Variants in MROH1 observed in about 807,000 individuals in gnomAD.
MROH1 encodes maestro heat like repeat family member 1.
Under a neutral mutation model 116.5 loss-of-function variants are expected in MROH1, and 117 were observed. The ratio of observed to expected loss-of-function variants is 1.00; its 90% CI spans 0.86 to 1.17. The LOEUF (loss-of-function observed/expected upper bound fraction) is 1.17, where lower values mean the gene tolerates loss of function less well. Among genes scored for constraint, MROH1 ranks in the 50% most tolerant of loss-of-function variants. MROH1 has a pLI of 0.00. For synonymous variants in MROH1, 921 were observed against 583.9 expected (o/e 1.58, Z -8.32); for missense variants, 1,873 against 1,338.5 (o/e 1.40, Z -6.23).
rs151267795 is a variant in MROH1 at position 144,220,166 on chromosome 8, T to G, written c.1142-434T>G. Reference sequence around the variant, plus strand: ...AAGGGGGTCCCCAGACCAGCAGCATTAGCTCACCTTGGAATGTGTGAGAAA... The same window carrying G: ...AAGGGGGTCCCCAGACCAGCAGCATGAGCTCACCTTGGAATGTGTGAGAAA... On this transcript the variant is annotated intron_variant, in intron 12 of 43. Transcript: ENST00000326134. 6.6e-3 allele frequency among the ~76,000 whole-genome samples: 1,011 copies of G among 152,278 alleles called. 14 individuals are homozygous for G. The highest frequency in any genetic ancestry group is 0.023 in the African/African-American group (963 of 41,554).
At chr8:144,170,232 G>C (rs150422199) in intron 4 of MROH1, among the ~76,000 whole-genome samples, 126 of 152,280 alleles carry the variant, frequency 8.3e-4, no homozygotes, top group African/African-American at 3.0e-3. Context: ...CTCCGTTCTG[G>C]GGTGTCCTCC....
At chr8:144,202,755 GT>G (rs1831616163) in intron 12 of MROH1, among the ~76,000 whole-genome samples, 3 of 129,482 alleles carry the variant, frequency 2.3e-5, no homozygotes, top group Non-Finnish European at 1.6e-5. Flanking sequence ...CTGCGGAGGG[GT>G]TGGGAGAGGA....
At chr8:144,213,330 G>A in intron 12 of MROH1, 1 of 451,992 alleles carries the variant, frequency 2.2e-6, no homozygotes, top group Non-Finnish European at 3.9e-6. Context: ...ATAGTTTATT[G>A]TGCCTTTTAT....
chr8:144,261,434 C>T, intron 43 of MROH1, 85 bp downstream of exon 43: 1 of 700,052 alleles, frequency 1.4e-6, no homozygotes. Context: ...TCCTGGATTT[C>T]AGGACTTTTT....
rs1252129929 is a variant in MROH1, at chr8:144,191,049, G to A, written c.714+114G>A. ...GGTGGTGTTGCATTGGCAAGCAGAG[G>A]TGCCCAATGGGAGGTGGCTCACCTT... is the stretch of plus-strand genomic sequence containing the variant. On this transcript the variant is annotated intron_variant, in intron 8 of 43. Transcript: ENST00000326134. 8 of 1,151,848 alleles carry A rather than the reference G, an allele frequency of 6.9e-6. No homozygotes were observed. In the Admixed American group the frequency reaches 1.6e-4, roughly 24 times the overall value. 71.4% of individuals were successfully genotyped at this position (1,151,848 alleles called of 1,614,324 possible).
At position 144,239,497 on chromosome 8, in the gene MROH1, G is replaced by A. The variant is rs1047860983; in HGVS notation, c.1633-117G>A. On this transcript the variant is annotated intron_variant, in intron 17 of 43. Coordinates refer to ENST00000326134, the MANE Select transcript of MROH1 (RefSeq NM_032450.3). Reference sequence around the variant, plus strand: ...AGGTGTGGTTTTCCTCTACGTGGGCGGCCCAGCTTTGGGAAGAGCCAGGCT... The same window carrying A: ...AGGTGTGGTTTTCCTCTACGTGGGCAGCCCAGCTTTGGGAAGAGCCAGGCT... 1.0e-3 allele frequency: 801 copies of A among 763,062 alleles called. 1 individual carries two copies. Among genetic ancestry groups the A allele is most frequent in the Non-Finnish European group, 1.5e-3 (626 of 410,388 alleles). The allele number at this position is 763,062 out of a possible 1,614,324, so 47.3% of individuals were successfully genotyped here.
At chr8:144,175,514 G>A in intron 4 of MROH1, 3 of 985,490 alleles carry the variant, frequency 3.0e-6, no homozygotes, top group Non-Finnish European at 3.6e-6. Context: ...CGGCCGTGCT[G>A]CCCCGGCAGT....
At chr8:144,167,205 AGATGTGGGGTGGAGTGGCCG>A (rs1821054818) in intron 3 of MROH1, among the ~76,000 whole-genome samples, 1 of 80,696 alleles carries the variant, frequency 1.2e-5, no homozygotes, top group African/African-American at 4.7e-5. Context: ...TGGAGTGGCC[AGATGTGGGGTGGAGTGGCCG>A]GTTGTGGGGT....
At chr8:144,233,981 A>G (rs978394393) in intron 14 of MROH1, among the ~76,000 whole-genome samples, 1 of 152,164 alleles carries the variant, frequency 6.6e-6, no homozygotes, top group Non-Finnish European at 1.5e-5. Context: ...CTGAATCTGT[A>G]TATGTTTGGG....
chr8:144,224,302 C>T (rs376305987), intron 14 of MROH1, among the ~76,000 whole-genome samples: 1 of 152,230 alleles, frequency 6.6e-6, no homozygotes, highest in African/African-American at 2.4e-5. Context: ...CAGGGTCTCG[C>T]TCTGCCAGCC....
rs896915320 is a variant in MROH1, at chr8:144,259,288, G to A, written c.3978G>A (p.Thr1326=). The change falls in exon 37 of 44, where the codon ACG becomes ACA. Residue 1326 remains threonine (T), a synonymous_variant. Transcript: ENST00000326134. Reference sequence around the variant, plus strand: ...CCCGACTCCCCCTGGTGCTGAAGACGCTGGCATGCACACACAGCAGTGCGT... The same window carrying A: ...CCCGACTCCCCCTGGTGCTGAAGACACTGGCATGCACACACAGCAGTGCGT... ...AGPRLPLVLK[T]LACTHSSAYE... is the part of the protein sequence containing the mutation. 1.0e-4 allele frequency: 74 copies of A among 714,862 alleles called. No homozygotes were observed. Among genetic ancestry groups the A allele is most frequent in the South Asian group, 7.3e-4 (49 of 67,508 alleles). 44.3% of individuals were successfully genotyped at this position (714,862 alleles called of 1,614,324 possible). A position where few individuals can be genotyped will look rare whatever the true frequency, so the allele number is the denominator to read the frequency against.
Position 144,261,185 on chromosome 8 carries a change from G to T in MROH1, c.4743G>T (p.Glu1581Asp). The change falls in exon 42 of 44, where the codon GAG (glutamate) becomes GAT (aspartate). Residue 1581 changes from glutamate (E) to aspartate (D), a missense_variant. Coordinates refer to ENST00000326134, the MANE Select transcript of MROH1 (RefSeq NM_032450.3). Reference protein sequence around the residue: ...TCLFYFKSSWENVRAAAPLFT... With the variant: ...TCLFYFKSSWDNVRAAAPLFT... Reference sequence around the variant, plus strand: ...TGTTCTACTTCAAGAGCAGCTGGGAGAACGTCCGAGCTGCTGCACCCCTGT... The same window carrying T: ...TGTTCTACTTCAAGAGCAGCTGGGATAACGTCCGAGCTGCTGCACCCCTGT... 1 of 767,814 alleles carries T rather than the reference G, an allele frequency of 1.3e-6. No individual in the cohort carries two copies. The highest frequency in any genetic ancestry group is 1.3e-5 in the South Asian group (1 of 74,548). 47.6% of individuals were successfully genotyped at this position (767,814 alleles called of 1,614,324 possible).
chr8:144,183,032 C>T (rs573437172), intron 7 of MROH1, among the ~76,000 whole-genome samples: 1 of 152,018 alleles, frequency 6.6e-6, no homozygotes, highest in East Asian at 1.9e-4. Context: ...GCCAAGATTG[C>T]ACCACTGTAC....
At chr8:144,256,331 C>G (rs1843774718) in intron 35 of MROH1, among the ~76,000 whole-genome samples, 1 of 150,952 alleles carries the variant, frequency 6.6e-6, no homozygotes, top group Non-Finnish European at 1.5e-5. Context: ...TCCATCCCAC[C>G]CAGGCGCCCA....
chr8:144,228,987 TCAC>T (rs1198327482), intron 14 of MROH1, among the ~76,000 whole-genome samples: 1 of 152,188 alleles, frequency 6.6e-6, no homozygotes, highest in African/African-American at 2.4e-5. Context: ...CACAGCATCT[TCAC>T]CAGGAGCAGA....
At chr8:144,200,724 C>T (rs928572848) in intron 12 of MROH1, 183 bp downstream of exon 12, 18 of 588,840 alleles carry the variant, frequency 3.1e-5, no homozygotes, top group Non-Finnish European at 5.2e-5. Context: ...TGGTACCTTT[C>T]TACCCTTCGC....
rs1217376874 is a variant in MROH1 at position 144,180,646 on chromosome 8, G to A, written c.562+123G>A. 7 of 956,482 alleles carry A rather than the reference G, an allele frequency of 7.3e-6. No homozygotes were observed. Among genetic ancestry groups the A allele is most frequent in the South Asian group, 1.7e-5 (1 of 59,710 alleles). 59.2% of individuals were successfully genotyped at this position (956,482 alleles called of 1,614,324 possible). On this transcript the variant is annotated intron_variant, in intron 7 of 43. Coordinates refer to ENST00000326134, the MANE Select transcript of MROH1 (RefSeq NM_032450.3). This position sits in a 1 kb window ranked among gnomAD's most constrained non-coding sequence, Gnocchi z 7.4. ...GCTGCAGGAAGGGGGGCTGTTGGAG[G>A]GAGGGGCCCCCTGGCTGAGGCTGCT...
At chr8:144,165,614 G>A (rs188051570) in intron 3 of MROH1, among the ~76,000 whole-genome samples, 76 of 151,838 alleles carry the variant, frequency 5.0e-4, no homozygotes, top group Middle Eastern at 3.4e-3. Context: ...TTGTTGTGTC[G>A]CTTATGCTGG....
intron 3 of MROH1, among the ~76,000 whole-genome samples, chr8:144,164,178 G>T (rs1820217819): frequency 6.6e-6 from 1 of 151,518 alleles, no homozygotes; most frequent in Non-Finnish European, 1.5e-5. Context: ...GCCAAGGCAG[G>T]CGGATCACTT....
Sources: gnomAD v4.1 joint callset for allele counts (sites outside exome capture counted in the v4.1 genomes callset) on GRCh38, gnomAD v4.1.1 for gene constraint, Gnocchi (gnomAD v3.1) non-coding constraint, MANE v1.5 for transcripts, NCBI Gene and HGNC (gene_info 2026-07-23, HGNC 2026-07-21) for gene names.